PER2: variants seen among roughly 807,000 people sequenced by gnomAD.
PER2 encodes the protein period circadian protein homolog 2.
A neutral mutation model predicts 121.0 loss-of-function variants in PER2; 66 were observed. The ratio of observed to expected loss-of-function variants is 0.55; its 90% CI spans 0.45 to 0.67. PER2 has a LOEUF of 0.67. Among genes scored for constraint, PER2 ranks in the 30% least tolerant of loss-of-function variants. The pLI is 0.00. For synonymous variants in PER2, 684 were observed against 659.9 expected (o/e 1.04, Z -0.56); for missense variants, 1,521 against 1,635.0 (o/e 0.93, Z 1.20).
chr2:238,295,712 C>G, the PER2 span: 1 of 156,042 alleles, frequency 6.4e-6, no homozygotes, highest in South Asian at 1.9e-4. Flanking sequence ...GTGTACTCAT[C>G]TTCTCGCTCC....
upstream of PER2, among the ~76,000 whole-genome samples, chr2:238,288,793 A>G (rs536342016): frequency 1.5e-4 from 22 of 151,420 alleles, no homozygotes; most frequent in African/African-American, 5.3e-4. Flanking sequence ...CCGCTGTCAC[A>G]TAGTGGAAAA....
intron 11 of PER2, 116 bp from the exon 12 acceptor site, chr2:238,261,953 G>A: frequency 1.3e-6 from 1 of 772,112 alleles, no homozygotes; most frequent in Non-Finnish European, 2.2e-6. Context: ...CTCCCCTGCA[G>A]CCCCCCAGGC....
chr2:238,260,545 C>T lies in PER2; in HGVS notation c.1542+283G>A, dbSNP rs11898054. ...TGCTGGGATTACAGGTGTGAATCAC[C>T]GCACCCAGCCCACATTTTCTTCTTT... is the stretch of plus-strand genomic sequence containing the variant. On this transcript the variant is annotated intron_variant, in intron 13 of 22. Transcript: ENST00000254657. Among the ~76,000 whole-genome samples, 1,138 of 152,288 alleles carry T rather than the reference C, an allele frequency of 7.5e-3. 14 individuals carry two copies. The highest frequency in any genetic ancestry group is 0.026 in the African/African-American group (1,091 of 41,552).
At chr2:238,283,626 G>A (rs1262728287) in intron 1 of PER2, among the ~76,000 whole-genome samples, 1 of 152,216 alleles carries the variant, frequency 6.6e-6, no homozygotes, top group African/African-American at 2.4e-5. Context: ...TGCCTTGCGG[G>A]GGCAGTCAGA....
At position 238,252,698 on chromosome 2, in the gene PER2, G is replaced by A. The variant is rs957884967; in HGVS notation, c.3111+214C>T. Among the ~76,000 whole-genome samples, 3 of 152,184 alleles carry A rather than the reference G, an allele frequency of 2.0e-5. No homozygotes were observed. The highest frequency in any genetic ancestry group is 4.8e-5 in the African/African-American group (2 of 41,444). The stretch of plus-strand genomic sequence containing the variant: ...ATCACAATCTCTCCTCCTTCATTCA[G>A]ATTCCACGACAATAAAAGGCTTCGA... On this transcript the variant is annotated intron_variant, in intron 19 of 22. Transcript: ENST00000254657. This position sits in a 1 kb window ranked among gnomAD's most constrained non-coding sequence, Gnocchi z 4.2.
chr2:238,281,031 G>A (rs1425919295), intron 1 of PER2, among the ~76,000 whole-genome samples: 3 of 148,890 alleles, frequency 2.0e-5, no homozygotes, highest in African/African-American at 7.4e-5. Flanking sequence ...TTGAGAGGGA[G>A]TCTTGCTCTG....
At chr2:238,246,642 C>T (rs557782843) in intron 22 of PER2, 118 bp from the exon 23 acceptor site, 31 of 648,470 alleles carry the variant, frequency 4.8e-5, no homozygotes, top group African/African-American at 1.3e-4. Flanking sequence ...TTTGGGAGGC[C>T]GAGGCGGGCA....
At position 238,247,959 on chromosome 2, in the gene PER2, T is replaced by C. The variant is rs115744478; in HGVS notation, c.3618+1103A>G. 8.4e-3 allele frequency among the ~76,000 whole-genome samples: 1,284 copies of C among 152,324 alleles called. 11 individuals carry two copies. The highest frequency in any genetic ancestry group is 0.029 in the African/African-American group (1,221 of 41,556). On this transcript the variant is annotated intron_variant, in intron 22 of 22. Coordinates refer to ENST00000254657, the MANE Select transcript of PER2 (RefSeq NM_022817.3). ...CATGCCATGGAAGCATCCTCATGGCTTGGACCTGTGTGGTGATGGGCTTCA... is the reference window on the plus strand; with the variant it reads ...CATGCCATGGAAGCATCCTCATGGCCTGGACCTGTGTGGTGATGGGCTTCA...
At chr2:238,255,010 A>C (rs1431344409) in intron 18 of PER2, 1 of 153,954 alleles carries the variant, frequency 6.5e-6, no homozygotes, top group Non-Finnish European at 1.4e-5. Context: ...CCCATCTCTA[A>C]CAAGTGTCTG....
rs199952608 is a variant in PER2, at chr2:238,253,724, T to C, written c.2321-22A>G. The stretch of plus-strand genomic sequence containing the variant: ...GCAGCTAATGCAGAAAAACAAATAC[T>C]CGGAGTTAAAATTTTAACTCCAAAT... On this transcript the variant is annotated intron_variant, in intron 18 of 22. Transcript: ENST00000254657. The surrounding 1 kb of genome is among the most constrained non-coding windows in gnomAD (Gnocchi z 5.6). 159 of 1,561,690 alleles carry C rather than the reference T, an allele frequency of 1.0e-4. No homozygotes were observed. Among genetic ancestry groups the C allele is most frequent in the Admixed American group, 4.3e-4 (24 of 56,260 alleles).
At chr2:238,277,285 T>G in intron 2 of PER2, 92 bp from the exon 3 acceptor site, 1 of 868,548 alleles carries the variant, frequency 1.2e-6, no homozygotes, top group South Asian at 1.3e-5. Context: ...ACAGGCTAGA[T>G]AATACCATGG....
intron 6 of PER2, among the ~76,000 whole-genome samples, chr2:238,269,619 T>G (rs1171500908): frequency 6.7e-6 from 1 of 148,380 alleles, no homozygotes; most frequent in Non-Finnish European, 1.5e-5. Context: ...CTGAACACAC[T>G]CACGGTGCAC....
chr2:238,255,938 G>A (rs1194478831), intron 17 of PER2, 27 bp from the exon 18 acceptor site: 1 of 1,613,900 alleles, frequency 6.2e-7, no homozygotes, highest in Admixed American at 1.7e-5. Context: ...CAGGGCTCTG[G>A]TCCACACGTG....
chr2:238,291,121 G>A (rs1320659694), upstream of PER2, among the ~76,000 whole-genome samples: 1 of 152,228 alleles, frequency 6.6e-6, no homozygotes, highest in Non-Finnish European at 1.5e-5. Flanking sequence ...TGGGAGGCAG[G>A]CTGGCTAGGA....
At position 238,268,294 on chromosome 2, in the gene PER2, G is replaced by A. The variant is rs1451915446; in HGVS notation, c.825-96C>T. ...CACCTGGGCCCCATGCCATGCTGCA[G>A]GTGATGTGTACCTCTGCTCTGCCTG... On this transcript the variant is annotated intron_variant, in intron 7 of 22. Coordinates refer to ENST00000254657, the MANE Select transcript of PER2 (RefSeq NM_022817.3). This position sits in a 1 kb window ranked among gnomAD's most constrained non-coding sequence, Gnocchi z 4.0. 1.6e-6 allele frequency: 2 copies of A among 1,287,594 alleles called. No homozygotes were observed. Among genetic ancestry groups the A allele is most frequent in the Non-Finnish European group, 2.2e-6 (2 of 907,080 alleles). The allele number at this position is 1,287,594 out of a possible 1,614,324, so 79.8% of individuals were successfully genotyped here.
intron 2 of PER2, 38 bp from the exon 3 acceptor site, chr2:238,277,231 T>C: frequency 1.5e-6 from 2 of 1,355,770 alleles, no homozygotes; most frequent in Non-Finnish European, 2.1e-6. Context: ...TTTAGACAAT[T>C]GTATGCTCCA....
At chr2:238,290,107 C>G (rs2106338351), upstream of PER2, 1 of 152,372 alleles carries the variant, frequency 6.6e-6, no homozygotes, top group Middle Eastern at 3.4e-3. Context: ...TGTGATAACT[C>G]CTTCTCTTCT....
rs148328183 is a variant in PER2 at position 238,262,172 on chromosome 2, G to A, written c.1307+19C>T. 24 of 1,612,296 alleles carry A rather than the reference G, an allele frequency of 1.5e-5. No individual in the cohort carries two copies. In the African/African-American group the frequency reaches 1.6e-4, roughly 11 times the overall value. On this transcript the variant is annotated intron_variant, in intron 11 of 22. Transcript: ENST00000254657. ...CCGCCCAAGACCCCTGAGCCACCTC[G>A]GGCCCTTGGAGCACTCACACCCTGA...
chr2:238,271,039 A>C (rs1696267588), intron 6 of PER2, among the ~76,000 whole-genome samples: 1 of 152,230 alleles, frequency 6.6e-6, no homozygotes, highest in African/African-American at 2.4e-5. Flanking sequence ...CAATCACAGC[A>C]AGATTCCAGC....
Sources: allele counts gnomAD v4.1 joint callset (sites outside exome capture counted in the v4.1 genomes callset), GRCh38; gene constraint gnomAD v4.1.1; non-coding constraint Gnocchi (gnomAD v3.1); transcripts MANE v1.5; gene names NCBI Gene and HGNC (gene_info 2026-07-23, HGNC 2026-07-21).